Variants in SEPTIN2 observed in about 807,000 individuals in gnomAD.
SEPTIN2 encodes septin 2.
Under a neutral mutation model 46.5 loss-of-function variants are expected in SEPTIN2, and 34 were observed. That is an observed-to-expected ratio of 0.73 (90% CI 0.56 to 0.97). The LOEUF (loss-of-function observed/expected upper bound fraction) is 0.97. Among genes scored for constraint, SEPTIN2 ranks in the 50% least tolerant of loss-of-function variants. SEPTIN2 has a pLI of 0.00. For synonymous variants in SEPTIN2, 175 were observed against 153.4 expected (o/e 1.14, Z -1.04); for missense variants, 347 against 448.4 (o/e 0.77, Z 2.04).
chr2:241,316,623 C>A, intron 1 of SEPTIN2: 1 of 1,185,704 alleles, frequency 8.4e-7, no homozygotes, highest in Non-Finnish European at 1.1e-6. Flanking sequence ...GGATGAGGAG[C>A]AAACCTGTGG....
chr2:241,320,102 C>T (rs763564699), intron 1 of SEPTIN2: 9 of 387,968 alleles, frequency 2.3e-5, no homozygotes, highest in Admixed American at 3.4e-5. Flanking sequence ...TGGCCTATGG[C>T]GTTCATTCAT....
intron 1 of SEPTIN2, among the ~76,000 whole-genome samples, chr2:241,323,571 G>A (rs12694997): frequency 0.19 from 28,960 of 152,000 alleles, 3,106 homozygotes; most frequent in Middle Eastern, 0.35. Context: ...TTTTTTAATC[G>A]AATTTATTTT....
chr2:241,329,940 G>A (rs2078710267), intron 3 of SEPTIN2, among the ~76,000 whole-genome samples: 1 of 152,210 alleles, frequency 6.6e-6, no homozygotes, highest in African/African-American at 2.4e-5. Flanking sequence ...TGAATTGTGC[G>A]AGCTAAGAAC....
intron 1 of SEPTIN2, among the ~76,000 whole-genome samples, chr2:241,321,572 TG>T (rs1389745583): frequency 6.6e-6 from 1 of 152,054 alleles, no homozygotes; most frequent in Non-Finnish European, 1.5e-5. Context: ...TTGTTGTTTT[TG>T]TTTTTTTTTT....
At chr2:241,347,458 GCACAGTT>G (rs1343763755) in intron 10 of SEPTIN2, among the ~76,000 whole-genome samples, 1 of 152,198 alleles carries the variant, frequency 6.6e-6, no homozygotes, top group Non-Finnish European at 1.5e-5. Flanking sequence ...GCTTTGCAGA[GCACAGTT>G]CTCAGGTGTG....
At chr2:241,341,572 T>C (rs983026421) in intron 7 of SEPTIN2, among the ~76,000 whole-genome samples, 1 of 152,182 alleles carries the variant, frequency 6.6e-6, no homozygotes, top group Non-Finnish European at 1.5e-5. Flanking sequence ...AGAGATAAGA[T>C]GGTTCCTCCC....
At chr2:241,318,206 A>G (rs982381980) in intron 1 of SEPTIN2, 3 of 152,060 alleles carry the variant, frequency 2.0e-5, no homozygotes, top group Non-Finnish European at 4.4e-5. Context: ...TAAGACAAAT[A>G]GTTTCTCCAT....
Position 241,353,837 on chromosome 2 carries a change from ACACTTCTGATCCCCTTT to A in SEPTIN2, c.*1901_*1917del, listed in dbSNP as rs2060947307. 1 of 153,342 alleles carries A rather than the reference ACACTTCTGATCCCCTTT, an allele frequency of 6.5e-6. No individual in the cohort carries two copies. The highest frequency in any genetic ancestry group is 1.5e-5 in the Non-Finnish European group (1 of 68,042). The allele number at this position is 153,342 out of a possible 1,614,324, so 9.5% of individuals were successfully genotyped here. A position where few individuals can be genotyped will look rare whatever the true frequency, so the allele number is the denominator to read the frequency against. On this transcript the variant is annotated 3_prime_UTR_variant, in exon 13 of 13. Transcript: ENST00000391971. ...GCAGGGAGGGAGGACCCACACTGCT[ACACTTCTGATCCCCTTT>A]GGTTTTACTACCCAAATCTAAATAG...
rs553715826 is a variant in SEPTIN2, at chr2:241,349,229, C to G, written c.985-844C>G. 9.9e-5 allele frequency among the ~76,000 whole-genome samples: 15 copies of G among 151,986 alleles called. No individual in the cohort carries two copies. In the South Asian group the frequency reaches 3.1e-3, roughly 32 times the overall value. On this transcript the variant is annotated intron_variant, in intron 11 of 12. Coordinates refer to ENST00000391971, the MANE Select transcript of SEPTIN2 (RefSeq NM_004404.5). ...AAAAATTAAAAAATAATTAGCCATGCATGTCGGCATGCACCTGTAGTCCCA... is the reference window on the plus strand; with the variant it reads ...AAAAATTAAAAAATAATTAGCCATGGATGTCGGCATGCACCTGTAGTCCCA...
At position 241,335,894 on chromosome 2, in the gene SEPTIN2, C is replaced by G. The variant is rs1341639076; in HGVS notation, c.218-81C>G. ...TACCTCTGTAGAGAGGCAGTAGACTCTGAAGTCACCTGTCGTAAGAACGTG... is the reference window on the plus strand; with the variant it reads ...TACCTCTGTAGAGAGGCAGTAGACTGTGAAGTCACCTGTCGTAAGAACGTG... On this transcript the variant is annotated intron_variant, in intron 4 of 12. Coordinates refer to ENST00000391971, the MANE Select transcript of SEPTIN2 (RefSeq NM_004404.5). 5 of 1,583,456 alleles carry G rather than the reference C, an allele frequency of 3.2e-6. No individual in the cohort carries two copies. In the South Asian group the frequency reaches 4.4e-5, roughly 14 times the overall value.
rs570889763 is a variant in SEPTIN2 at position 241,341,627 on chromosome 2, G to C, written c.595-1365G>C. Among the ~76,000 whole-genome samples the C allele has an allele frequency of 9.8e-5, 15 of 152,350 alleles. 1 individual carries two copies. In the South Asian group the frequency reaches 2.3e-3, roughly 23 times the overall value. On this transcript the variant is annotated intron_variant, in intron 7 of 12. Coordinates refer to ENST00000391971, the MANE Select transcript of SEPTIN2 (RefSeq NM_004404.5). The stretch of plus-strand genomic sequence containing the variant: ...TGAAAAGACTGAAGGTCGAGTTACA[G>C]AGTAAAGGATGTAGAGAGGAGGGCC...
At chr2:241,327,167 G>T in intron 3 of SEPTIN2, among the ~76,000 whole-genome samples, 1 of 150,874 alleles carries the variant, frequency 6.6e-6, no homozygotes, top group Non-Finnish European at 1.5e-5. Flanking sequence ...TACATAATCA[G>T]GAGAAAAAGC....
At chr2:241,345,840 C>G in intron 9 of SEPTIN2, among the ~76,000 whole-genome samples, 1 of 152,114 alleles carries the variant, frequency 6.6e-6, no homozygotes, top group Admixed American at 6.6e-5. Context: ...CATTGTTGAC[C>G]TGAAAATCTC....
intron 3 of SEPTIN2, among the ~76,000 whole-genome samples, chr2:241,330,524 G>C (rs866905184): frequency 6.6e-6 from 1 of 152,328 alleles, no homozygotes. Flanking sequence ...AACAGGCAGT[G>C]AAGAAAGATA....
At chr2:241,315,796 G>C (rs1203581001), upstream of SEPTIN2, 1 of 152,462 alleles carries the variant, frequency 6.6e-6, no homozygotes, top group Non-Finnish European at 1.5e-5. Flanking sequence ...CCGCATGGGG[G>C]AGGGGAAGAA....
chr2:241,337,305 C>A (rs2080190514), intron 5 of SEPTIN2, 77 bp from the exon 6 acceptor site: 5 of 1,239,188 alleles, frequency 4.0e-6, no homozygotes, highest in Non-Finnish European at 5.6e-6. Flanking sequence ...TGGGCGGAGG[C>A]ACTTGTTTTC....
intron 10 of SEPTIN2, among the ~76,000 whole-genome samples, chr2:241,346,836 C>T (rs987467613): frequency 1.3e-5 from 2 of 152,134 alleles, no homozygotes; most frequent in Non-Finnish European, 2.9e-5. Flanking sequence ...TACGTGAGGA[C>T]AAACTTGTTG....
At chr2:241,322,636 T>A (rs1034476925) in intron 1 of SEPTIN2, among the ~76,000 whole-genome samples, 4 of 151,350 alleles carry the variant, frequency 2.6e-5, no homozygotes, top group Non-Finnish European at 5.9e-5. Context: ...GAAAAAAAAA[T>A]TCCACATATC....
intron 9 of SEPTIN2, among the ~76,000 whole-genome samples, chr2:241,345,292 G>T (rs1350357238): frequency 1.3e-5 from 2 of 152,228 alleles, no homozygotes; most frequent in African/African-American, 4.8e-5. Context: ...AAATAAGTAA[G>T]CATGTTACCA....
Sources: allele counts gnomAD v4.1 joint callset (sites outside exome capture counted in the v4.1 genomes callset), GRCh38; gene constraint gnomAD v4.1.1; transcripts MANE v1.5; gene names NCBI Gene and HGNC (gene_info 2026-07-23, HGNC 2026-07-21).